The following COPS5 variants were observed in gnomAD, a reference collection of about 807,000 sequenced individuals.
The protein encoded by COPS5 is COP9 signalosome subunit 5.
In COPS5, 8 loss-of-function variants were observed where a neutral mutation model predicts 44.4. That is an observed-to-expected ratio of 0.18 (90% CI 0.11 to 0.32). COPS5 has a LOEUF of 0.32. COPS5 is among the 10% of genes least tolerant of loss of function. The pLI is 1.00. For synonymous variants in COPS5, 122 were observed against 142.8 expected, an observed-to-expected ratio of 0.85 and a Z score of 1.04; for missense variants, 159 against 406.4, an observed-to-expected ratio of 0.39 and a Z score of 5.23.
chr8:67,060,728 T>C (rs1804583124), intron 1 of COPS5: 1 of 317,012 alleles, frequency 3.2e-6, no homozygotes, highest in Admixed American at 4.3e-5. Flanking sequence ...TAGTGACAGC[T>C]GTGAGATTTG....
chr8:67,053,196 C>T (rs1804445089), intron 5 of COPS5, among the ~76,000 whole-genome samples: 3 of 151,748 alleles, frequency 2.0e-5, no homozygotes, highest in Non-Finnish European at 2.9e-5. Flanking sequence ...TTCAAGTGAT[C>T]GTTCTGCCAT....
chr8:67,051,115 C>T (rs987955643), intron 6 of COPS5, 115 bp downstream of exon 6: 3 of 707,450 alleles, frequency 4.2e-6, no homozygotes, highest in Admixed American at 4.3e-5. Context: ...CCACCCTAGC[C>T]CTGGTGTCTT....
In COPS5 at chr8:67,059,465, T is replaced by G; in HGVS notation, c.144-20A>C. On this transcript the variant is annotated intron_variant, in intron 1 of 7. Transcript: ENST00000357849. The stretch of plus-strand genomic sequence containing the variant: ...TGGTGACTGCAAAACAAAATCACAA[T>G]GTAATTAAATTCCTTATATAAAGTA... 6.5e-7 allele frequency: 1 copy of G among 1,536,992 alleles called. No homozygotes were observed. The highest frequency in any genetic ancestry group is 9.0e-7 in the Non-Finnish European group (1 of 1,110,152).
rs1804517651 is a variant in COPS5 at position 67,056,692 on chromosome 8, TATATATATATATATATATAA to T, written c.574-108_574-89del. ...ATATATATATATATATATATATATA[TATATATATATATATATATAA>T]AAATGAGAAAAACATGTTTTCTATG... On this transcript the variant is annotated intron_variant, in intron 4 of 7. Coordinates refer to ENST00000357849, the MANE Select transcript of COPS5 (RefSeq NM_006837.3). 6.5e-4 allele frequency: 35 copies of T among 53,574 alleles called. 3 individuals carry two copies. Among genetic ancestry groups the T allele is most frequent in the South Asian group, 2.6e-3 (4 of 1,516 alleles). 3.3% of individuals were successfully genotyped at this position (53,574 alleles called of 1,614,324 possible).
chr8:67,053,334 A>G (rs1804447329), intron 5 of COPS5, among the ~76,000 whole-genome samples: 1 of 150,634 alleles, frequency 6.6e-6, no homozygotes, highest in Non-Finnish European at 1.5e-5. Context: ...CAAGTGATCC[A>G]CCGCCTCAGA....
Position 67,060,258 on chromosome 8 carries a change from T to G in COPS5, c.144-813A>C. ...CCCAAGACAGCTAGGATGAATATAA[T>G]TAGAGCCACAATTAGACAGTGAGGC... On this transcript the variant is annotated intron_variant, in intron 1 of 7. Coordinates refer to ENST00000357849, the MANE Select transcript of COPS5 (RefSeq NM_006837.3). 5 of 888,772 alleles carry G rather than the reference T, an allele frequency of 5.6e-6. No homozygotes were observed. In the South Asian group the frequency reaches 9.0e-5, roughly 16 times the overall value. 55.1% of individuals were successfully genotyped at this position (888,772 alleles called of 1,614,324 possible).
chr8:67,045,714 C>T, intron 7 of COPS5, 98 bp downstream of exon 7: 1 of 1,198,958 alleles, frequency 8.3e-7, no homozygotes, highest in Non-Finnish European at 1.2e-6. Flanking sequence ...TAAGTTGTAA[C>T]TAACTTGAGC....
chr8:67,052,036 C>A (rs1804421869), intron 5 of COPS5, among the ~76,000 whole-genome samples: 1 of 152,094 alleles, frequency 6.6e-6, no homozygotes, highest in African/African-American at 2.4e-5. Context: ...GTGGTCTAAA[C>A]CCACATCAAA....
chr8:67,050,063 C>G (rs1194312510), intron 6 of COPS5, among the ~76,000 whole-genome samples: 1 of 149,708 alleles, frequency 6.7e-6, no homozygotes, highest in Non-Finnish European at 1.5e-5. Flanking sequence ...TGCAGTAGCG[C>G]GATCTCGGCT....
At chr8:67,050,674 G>A (rs1585710487) in intron 6 of COPS5, among the ~76,000 whole-genome samples, 1 of 150,776 alleles carries the variant, frequency 6.6e-6, no homozygotes, top group East Asian at 2.0e-4. Flanking sequence ...ATGAAGCTGA[G>A]AGACTTGGAG....
At chr8:67,050,758 TAAGAGA>T (rs1394436444) in intron 6 of COPS5, among the ~76,000 whole-genome samples, 1 of 131,428 alleles carries the variant, frequency 7.6e-6, no homozygotes, top group Non-Finnish European at 1.6e-5. Flanking sequence ...AAATCAATGC[TAAGAGA>T]AAGAAAAAAA....
intron 5 of COPS5, among the ~76,000 whole-genome samples, chr8:67,052,820 TAA>T (rs750238033): frequency 3.6e-4 from 41 of 113,930 alleles, no homozygotes; most frequent in Admixed American, 5.5e-4. Context: ...GACTCTGTCT[TAA>T]AAAAAAAAAA....
At chr8:67,052,349 TTA>T (rs1466162354) in intron 5 of COPS5, among the ~76,000 whole-genome samples, 3 of 150,276 alleles carry the variant, frequency 2.0e-5, no homozygotes, top group Non-Finnish European at 4.4e-5. Context: ...AAGAGAAGAA[TTA>T]TGTGAGGGGA....
intron 5 of COPS5, among the ~76,000 whole-genome samples, chr8:67,052,719 C>T (rs1157041893): frequency 2.0e-5 from 3 of 148,326 alleles, no homozygotes; most frequent in Non-Finnish European, 4.4e-5. Context: ...CTTTGGGAGA[C>T]GGAGGCAGAA....
chr8:67,059,670 A>C (rs1276107800), intron 1 of COPS5: 3 of 507,908 alleles, frequency 5.9e-6, no homozygotes, highest in Non-Finnish European at 1.1e-5. Context: ...AAAGTCTGAA[A>C]TACTTTTTTA....
chr8:67,056,646 AAAAAAAATATATATATATATAT>A (rs1804506997), intron 4 of COPS5, 42 bp from the exon 5 acceptor site: 1 of 96,352 alleles, frequency 1.0e-5, no homozygotes, highest in Non-Finnish European at 1.6e-5. Context: ...GAAAAAAAAA[AAAAAAAATATATATATATATAT>A]ATATATATAT....
intron 2 of COPS5, 89 bp from the exon 3 acceptor site, chr8:67,058,300 C>T: frequency 7.6e-7 from 1 of 1,309,114 alleles, no homozygotes; most frequent in Non-Finnish European, 1.1e-6. Flanking sequence ...GTCTCCTTCC[C>T]ATCTCCTTCT....
chr8:67,060,951 T>C (rs917302745), intron 1 of COPS5: 10 of 163,508 alleles, frequency 6.1e-5, no homozygotes, highest in Non-Finnish European at 1.3e-4. Flanking sequence ...AGGCTAGCCT[T>C]GTAAAAAAAA....
intron 1 of COPS5, 149 bp from the exon 2 acceptor site, chr8:67,059,594 G>A (rs1453846048): frequency 1.6e-6 from 1 of 621,946 alleles, no homozygotes; most frequent in South Asian, 2.0e-5. Context: ...AAAAAGGACA[G>A]TTTTTGCAGG....
Sources: gnomAD v4.1 joint callset for allele counts (sites outside exome capture counted in the v4.1 genomes callset) on GRCh38, gnomAD v4.1.1 for gene constraint, MANE v1.5 for transcripts, NCBI Gene and HGNC (gene_info 2026-07-23, HGNC 2026-07-21) for gene names.